CNTN3: variants seen among roughly 807,000 people sequenced by gnomAD.
The protein encoded by CNTN3 is contactin 3.
Under a neutral mutation model 119.1 loss-of-function variants are expected in CNTN3, and 60 were observed. That is an observed-to-expected ratio of 0.50 (90% CI 0.41 to 0.62). The LOEUF (loss-of-function observed/expected upper bound fraction) is 0.62, where lower values mean the gene tolerates loss of function less well. Ranked by LOEUF, CNTN3 falls within the 20% of genes least tolerant of loss-of-function variation. The pLI, the probability that CNTN3 is intolerant of heterozygous loss-of-function variation, is 0.00. For synonymous variants in CNTN3, 450 were observed against 438.7 expected, an observed-to-expected ratio of 1.03 and a Z score of -0.32; for missense variants, 1,101 against 1,242.4, an observed-to-expected ratio of 0.89 and a Z score of 1.71.
intron 1 of CNTN3, among the ~76,000 whole-genome samples, chr3:74,592,207 T>C (rs145251581): frequency 1.3e-5 from 2 of 151,942 alleles, no homozygotes; most frequent in African/African-American, 4.8e-5. Context: ...ATCCTCAGGA[T>C]TGCCACTTCT....
intron 4 of CNTN3, among the ~76,000 whole-genome samples, chr3:74,475,923 T>G (rs1455097075): frequency 6.6e-6 from 1 of 152,182 alleles, no homozygotes; most frequent in Non-Finnish European, 1.5e-5. Context: ...TAAACAAATA[T>G]CCTTTTCACC....
intron 1 of CNTN3, among the ~76,000 whole-genome samples, chr3:74,538,708 T>C (rs1179425232): frequency 6.6e-6 from 1 of 152,182 alleles, no homozygotes; most frequent in African/African-American, 2.4e-5. Flanking sequence ...AGACCTTTGG[T>C]AGGTGGTGCT....
intron 4 of CNTN3, among the ~76,000 whole-genome samples, chr3:74,477,218 C>A (rs139773722): frequency 1.3e-5 from 2 of 152,152 alleles, no homozygotes; most frequent in East Asian, 3.9e-4. Context: ...AGAAGAAGAA[C>A]CTTAGAGGTT....
At chr3:74,394,797 T>C (rs779274154) in intron 5 of CNTN3, among the ~76,000 whole-genome samples, 11 of 124,952 alleles carry the variant, frequency 8.8e-5, no homozygotes, top group Admixed American at 1.7e-4. Flanking sequence ...CAACTCATTA[T>C]TAATGACTTT....
intron 2 of CNTN3, among the ~76,000 whole-genome samples, chr3:74,507,626 C>CTTTTTTTTTTTTTTTTTTTTTTTT (rs59540461): frequency 9.6e-6 from 1 of 103,652 alleles, no homozygotes; most frequent in Non-Finnish European, 1.8e-5. Flanking sequence ...TTCTTTCTTT[C>CTTTTTTTTTTTTTTTTTTTTTTTT]TTTTTTTTTT....
intron 4 of CNTN3, among the ~76,000 whole-genome samples, chr3:74,467,684 G>A (rs1262109411): frequency 6.6e-6 from 1 of 152,070 alleles, no homozygotes; most frequent in Non-Finnish European, 1.5e-5. Context: ...AAGCCATTTG[G>A]TTTTAACTTT....
At chr3:74,490,831 G>A (rs550077950) in intron 3 of CNTN3, among the ~76,000 whole-genome samples, 23 of 152,098 alleles carry the variant, frequency 1.5e-4, no homozygotes, top group Admixed American at 9.2e-4. Context: ...GTGTATTCAC[G>A]TTAGTAAACT....
chr3:74,470,375 T>C (rs1186717627), intron 4 of CNTN3, among the ~76,000 whole-genome samples: 2 of 151,872 alleles, frequency 1.3e-5, no homozygotes, highest in African/African-American at 4.8e-5. Context: ...AAATAGTATC[T>C]GAATCTGTCC....
At chr3:74,497,124 T>TA (rs1259447735) in intron 3 of CNTN3, among the ~76,000 whole-genome samples, 4 of 151,992 alleles carry the variant, frequency 2.6e-5, no homozygotes, top group Non-Finnish European at 5.9e-5. Context: ...TTATATATGT[T>TA]AAAAAATACT....
chr3:74,267,234 G>T lies in CNTN3; in HGVS notation c.2817+32C>A, dbSNP rs199825527. ...TCTTGAAAAGTACTGCCAAAATTAC[G>T]AAAATGAAGCATTGCAAATGAGAAA... On this transcript the variant is annotated intron_variant, in intron 21 of 22. Transcript: ENST00000263665. 1.2e-4 allele frequency: 177 copies of T among 1,439,534 alleles called. No individual in the cohort carries two copies. In the East Asian group the frequency reaches 2.6e-3, roughly 21 times the overall value. 89.2% of individuals were successfully genotyped at this position (1,439,534 alleles called of 1,614,324 possible).
intron 13 of CNTN3, among the ~76,000 whole-genome samples, chr3:74,308,554 A>G (rs503942): frequency 0.36 from 55,411 of 152,020 alleles, 11,482 homozygotes; most frequent in East Asian, 0.72. Context: ...GTCAAGTGCC[A>G]CGGTGCCTCA....
At chr3:74,384,011 T>C (rs1270505365) in intron 5 of CNTN3, among the ~76,000 whole-genome samples, 1 of 152,206 alleles carries the variant, frequency 6.6e-6, no homozygotes, top group East Asian at 1.9e-4. Context: ...CATGCCATAG[T>C]CCTCAATTGG....
chr3:74,329,364 T>C (rs927236019), intron 13 of CNTN3, among the ~76,000 whole-genome samples: 1 of 152,222 alleles, frequency 6.6e-6, no homozygotes, highest in Non-Finnish European at 1.5e-5. Context: ...TAATTTATCA[T>C]AGATCCAATT....
intron 3 of CNTN3, among the ~76,000 whole-genome samples, chr3:74,496,387 G>A (rs892017611): frequency 1.3e-5 from 2 of 152,138 alleles, no homozygotes; most frequent in Non-Finnish European, 2.9e-5. Flanking sequence ...GTGCTGAGAA[G>A]CAGTTATGAT....
intron 2 of CNTN3, among the ~76,000 whole-genome samples, chr3:74,516,807 T>TACCTGA (rs1703458227): frequency 7.0e-6 from 1 of 143,854 alleles, no homozygotes; most frequent in Admixed American, 6.8e-5. Context: ...AAGAACATAG[T>TACCTGA]AATAGCTTAA....
rs1458105381 is a variant in CNTN3, at chr3:74,298,040, G to C, written c.2318C>G (p.Pro773Arg). 6.2e-7 allele frequency: 1 copy of C among 1,614,014 alleles called. No individual in the cohort carries two copies. Among genetic ancestry groups the C allele is most frequent in the South Asian group, 1.1e-5 (1 of 91,072 alleles). ...FRNESIVPYSPYEVKVGVYNN... is the reference protein window; with the variant it reads ...FRNESIVPYSRYEVKVGVYNN... ...ATAAACACCCACTTTAACTTCATATGGTGAATATGGCACGATGCTTTCATT... is the reference window on the plus strand; with the variant it reads ...ATAAACACCCACTTTAACTTCATATCGTGAATATGGCACGATGCTTTCATT... The change falls in exon 18 of 23, where the codon CCA becomes CGA. Residue 773 changes from proline to arginine, a missense_variant. Transcript: ENST00000263665.
chr3:74,339,022 T>C (rs1703465767), intron 11 of CNTN3, among the ~76,000 whole-genome samples: 3 of 152,188 alleles, frequency 2.0e-5, no homozygotes, highest in Non-Finnish European at 4.4e-5. Context: ...AATCTCTTTA[T>C]ACCTTAGCCT....
chr3:74,434,121 G>T (rs772461959), intron 4 of CNTN3, among the ~76,000 whole-genome samples: 12 of 152,172 alleles, frequency 7.9e-5, no homozygotes, highest in Non-Finnish European at 1.3e-4. Flanking sequence ...AGAGAACACA[G>T]GAATTAGAAC....
intron 11 of CNTN3, among the ~76,000 whole-genome samples, chr3:74,337,219 C>T (rs1433233135): frequency 1.3e-5 from 2 of 152,070 alleles, no homozygotes; most frequent in Non-Finnish European, 2.9e-5. Context: ...TCCAATAAAC[C>T]TTACCTTAGA....
Sources: gnomAD v4.1 joint callset for allele counts (sites outside exome capture counted in the v4.1 genomes callset) on GRCh38, gnomAD v4.1.1 for gene constraint, MANE v1.5 for transcripts, NCBI Gene and HGNC (gene_info 2026-07-23, HGNC 2026-07-21) for gene names.